HAS3: variants seen among roughly 807,000 people sequenced by gnomAD.
HAS3 encodes hyaluronan synthase 3, also known as HA synthase 3.
A neutral mutation model predicts 50.3 loss-of-function variants in HAS3; 27 were observed. The observed-to-expected ratio is 0.54, with a 90% CI of 0.40 to 0.74. The LOEUF (loss-of-function observed/expected upper bound fraction) is 0.74. HAS3 is among the 30% of genes least tolerant of loss of function. HAS3 has a pLI of 0.00. For synonymous variants in HAS3, 339 were observed against 310.9 expected, an observed-to-expected ratio of 1.09 and a Z score of -0.95; for missense variants, 517 against 742.8, an observed-to-expected ratio of 0.70 and a Z score of 3.53.
the HAS3 span, among the ~76,000 whole-genome samples, chr16:69,094,142 G>A: frequency 6.6e-5 from 10 of 152,182 alleles, no homozygotes; most frequent in Admixed American, 5.9e-4. Flanking sequence ...AACTAGGAAA[G>A]CTACTGGGCC....
chr16:69,102,261 A>G (rs1261789214), upstream of HAS3, among the ~76,000 whole-genome samples: 3 of 152,206 alleles, frequency 2.0e-5, no homozygotes, highest in African/African-American at 7.2e-5. Context: ...CCAAATAGGA[A>G]GGCTTATTTA....
the HAS3 span, among the ~76,000 whole-genome samples, chr16:69,097,514 C>T: frequency 4.6e-5 from 7 of 151,782 alleles, no homozygotes; most frequent in Non-Finnish European, 1.0e-4. Context: ...GGATTGTGTT[C>T]CACCACTCTG....
chr16:69,087,109 C>T, the HAS3 span, among the ~76,000 whole-genome samples: 1 of 152,110 alleles, frequency 6.6e-6, no homozygotes, highest in Non-Finnish European at 1.5e-5. Context: ...TCACCTTCGG[C>T]GTCCTCCACC....
upstream of HAS3, among the ~76,000 whole-genome samples, chr16:69,104,386 T>C (rs1199409638): frequency 6.6e-6 from 1 of 151,906 alleles, no homozygotes; most frequent in Non-Finnish European, 1.5e-5. Context: ...AACCTCTGTC[T>C]CCTGGGTTTA....
At position 69,115,862 on chromosome 16, in the gene HAS3, A is replaced by G. The variant is rs1961162690; in HGVS notation, c.*596A>G. 4 of 985,762 alleles carry G rather than the reference A, an allele frequency of 4.1e-6. No homozygotes were observed. The highest frequency in any genetic ancestry group is 4.8e-6 in the Non-Finnish European group (4 of 829,966). The allele number at this position is 985,762 out of a possible 1,614,324, so 61.1% of individuals were successfully genotyped here. A position where few individuals can be genotyped will look rare whatever the true frequency, so the allele number is the denominator to read the frequency against. On this transcript the variant is annotated 3_prime_UTR_variant, in exon 4 of 4. Coordinates refer to ENST00000569188, the MANE Select transcript of HAS3 (RefSeq NM_001199280.2). ...GTGAGATACCCCACTCCACATCAAC[A>G]TTCCAGGGATGAGCCAAACCAGCAG... is the stretch of plus-strand genomic sequence containing the variant.
At chr16:69,099,667 G>A in the HAS3 span, among the ~76,000 whole-genome samples, 2 of 152,190 alleles carry the variant, frequency 1.3e-5, no homozygotes, top group Admixed American at 1.3e-4. Context: ...ATAAATGCAG[G>A]TATGCATACA....
At chr16:69,113,995 T>C (rs1448417414) in intron 3 of HAS3, among the ~76,000 whole-genome samples, 1 of 152,136 alleles carries the variant, frequency 6.6e-6, no homozygotes, top group Admixed American at 6.5e-5. Context: ...CACAGAAATC[T>C]CAGGACAGGT....
In HAS3 at chr16:69,106,123, C is replaced by T. The variant is rs1315641523; in HGVS notation, c.-1+336C>T. On this transcript the variant is annotated intron_variant, in intron 1 of 3. Transcript: ENST00000569188. The surrounding 1 kb of genome is among the most constrained non-coding windows in gnomAD (Gnocchi z 5.5). ...TCGGGGGTGCGCCCGCGGGGGCCCTCCCACTCTGGTCAACTTTCCCGGCCC... is the reference window on the plus strand; with the variant it reads ...TCGGGGGTGCGCCCGCGGGGGCCCTTCCACTCTGGTCAACTTTCCCGGCCC... The T allele has an allele frequency of 1.3e-5, 2 of 152,026 alleles. No individual in the cohort carries two copies. The highest frequency in any genetic ancestry group is 6.5e-5 in the Admixed American group (1 of 15,270). 9.4% of individuals were successfully genotyped at this position (152,026 alleles called of 1,614,324 possible).
At position 69,115,545 on chromosome 16, in the gene HAS3, G is replaced by C. The variant is rs999190724; in HGVS notation, c.*279G>C. The C allele has an allele frequency of 1.5e-5, 17 of 1,145,438 alleles. No homozygotes were observed. The highest frequency in any genetic ancestry group is 1.8e-5 in the Non-Finnish European group (17 of 931,750). 71.0% of individuals were successfully genotyped at this position (1,145,438 alleles called of 1,614,324 possible). The stretch of plus-strand genomic sequence containing the variant: ...GCACATAGGCAGTAGCCTCCTCCTG[G>C]GCTCCAGAGGGCACTCAGAAGTTGT... On this transcript the variant is annotated 3_prime_UTR_variant, in exon 4 of 4. Transcript: ENST00000569188.
At chr16:69,086,522 ATGTGTG>A in the HAS3 span, among the ~76,000 whole-genome samples, 71 of 138,418 alleles carry the variant, frequency 5.1e-4, no homozygotes, top group African/African-American at 1.2e-3. Flanking sequence ...TTTCTATATT[ATGTGTG>A]TGTGTGTGTG....
intron 2 of HAS3, 42 bp from the exon 3 acceptor site, chr16:69,113,399 G>A (rs371100372): frequency 7.6e-7 from 1 of 1,314,286 alleles, no homozygotes; most frequent in South Asian, 1.2e-5. Context: ...AGGGTGTGCA[G>A]GTCTGAGGTC....
chr16:69,088,582 CAA>C, the HAS3 span, among the ~76,000 whole-genome samples: 4 of 144,178 alleles, frequency 2.8e-5, no homozygotes, highest in Non-Finnish European at 4.6e-5. Context: ...AAAGAAAAGA[CAA>C]GAAAAAAAAG....
chr16:69,086,522 A>ATGTGTGTGTGTG, the HAS3 span, among the ~76,000 whole-genome samples: 923 of 138,396 alleles, frequency 6.7e-3, 4 homozygotes, highest in Non-Finnish European at 0.011. Flanking sequence ...TTTCTATATT[A>ATGTGTGTGTGTG]TGTGTGTGTG....
the HAS3 span, among the ~76,000 whole-genome samples, chr16:69,097,458 AAAG>A: frequency 1.3e-5 from 2 of 152,014 alleles, no homozygotes; most frequent in East Asian, 3.8e-4. Flanking sequence ...AAAAAAAAAA[AAAG>A]AGCCAAACAA....
chr16:69,088,433 G>A, the HAS3 span, among the ~76,000 whole-genome samples: 4 of 151,606 alleles, frequency 2.6e-5, no homozygotes, highest in African/African-American at 4.8e-5. Flanking sequence ...GGTTGGGCGC[G>A]CCTGTAATCC....
rs774755696 is a variant in HAS3 at position 69,114,708 on chromosome 16, C to T, written c.1104C>T (p.Asn368=). Residue 368 remains asparagine, a synonymous_variant, in exon 4 of 4, where the codon AAC becomes AAT. Transcript: ENST00000569188. The surrounding 1 kb of genome is among the most constrained non-coding windows in gnomAD (Gnocchi z 6.4). The part of the protein sequence containing the change: ...SKSYFREWLY[N]SLWFHKHHLW... The stretch of plus-strand genomic sequence containing the variant: ...CTTACTTCCGGGAGTGGCTCTACAA[C>T]TCTCTGTGGTTCCATAAGCACCACC... 1 of 1,614,048 alleles carries T rather than the reference C, an allele frequency of 6.2e-7. No homozygotes were observed. Among genetic ancestry groups the T allele is most frequent in the East Asian group, 2.2e-5 (1 of 44,892 alleles).
At chr16:69,104,992 G>GTTGTTTT (rs1960749455), upstream of HAS3, among the ~76,000 whole-genome samples, 1 of 81,958 alleles carries the variant, frequency 1.2e-5, no homozygotes, top group Non-Finnish European at 2.3e-5. Flanking sequence ...CTGTTTTTTG[G>GTTGTTTT]TTTTTTTTTT....
intron 1 of HAS3, among the ~76,000 whole-genome samples, chr16:69,108,516 T>C (rs1326310491): frequency 6.6e-6 from 1 of 152,188 alleles, no homozygotes; most frequent in Non-Finnish European, 1.5e-5. Flanking sequence ...CCGGGCATTG[T>C]TTCCAGGAGT....
Position 69,117,576 on chromosome 16 carries a change from C to CTTTTTTTT in HAS3, c.*2319_*2326dup. 1.4e-6 allele frequency: 1 copy of CTTTTTTTT among 697,960 alleles called. No homozygotes were observed. Among genetic ancestry groups the CTTTTTTTT allele is most frequent in the Non-Finnish European group, 1.7e-6 (1 of 574,836 alleles). The allele number at this position is 697,960 out of a possible 1,614,324, so 43.2% of individuals were successfully genotyped here. A position where few individuals can be genotyped will look rare whatever the true frequency, so the allele number is the denominator to read the frequency against. On this transcript the variant is annotated 3_prime_UTR_variant, in exon 4 of 4. Transcript: ENST00000569188. ...TTGTAAACATATTTATTTTTACCTGCTTTTTTTTTTTTTTTTAATTTTCAG... is the reference window on the plus strand; with the variant it reads ...TTGTAAACATATTTATTTTTACCTGCTTTTTTTTTTTTTTTTTTTTTTTTAATTTTCAG...
Sources: allele counts gnomAD v4.1 joint callset (sites outside exome capture counted in the v4.1 genomes callset), GRCh38; gene constraint gnomAD v4.1.1; non-coding constraint Gnocchi (gnomAD v3.1); transcripts MANE v1.5; gene names NCBI Gene and HGNC (gene_info 2026-07-23, HGNC 2026-07-21).